VAT1L: variants seen among roughly 807,000 people sequenced by gnomAD.
The protein encoded by VAT1L is putative NADPH-dependent quinone oxidoreductase VAT1L.
Under a neutral mutation model 44.1 loss-of-function variants are expected in VAT1L, and 34 were observed. The observed-to-expected ratio is 0.77, with a 90% CI of 0.59 to 1.03. VAT1L has a LOEUF of 1.03. Ranked by LOEUF, VAT1L falls within the 50% of genes least tolerant of loss-of-function variation. The probability of loss-of-function intolerance (pLI) is 0.00; values close to 1 mark genes in which losing one functional copy is unlikely to be tolerated. For synonymous variants in VAT1L, 253 were observed against 202.2 expected, an observed-to-expected ratio of 1.25 and a Z score of -2.13; for missense variants, 615 against 538.8, an observed-to-expected ratio of 1.14 and a Z score of -1.40.
chr16:77,940,656 T>C (rs978080365), intron 7 of VAT1L, among the ~76,000 whole-genome samples: 7 of 152,286 alleles, frequency 4.6e-5, no homozygotes, highest in Admixed American at 1.3e-4. Flanking sequence ...CACCACTGTC[T>C]TTAGCTCAAA....
rs78092024 is a variant in VAT1L, at chr16:77,840,299, C to G, written c.579+14838C>G. ...AGGGAGGCAGGTAGTCAGGGAAGTT[C>G]TCATAAAAGGGCACACGTGAATGGT... On this transcript the variant is annotated intron_variant, in intron 3 of 8. Transcript: ENST00000302536. Among the ~76,000 whole-genome samples the G allele has an allele frequency of 3.2e-4, 49 of 152,270 alleles. No individual in the cohort carries two copies. The East Asian group carries it at 9.3e-3, about 29-fold the overall frequency.
At chr16:77,959,265 GTCAC>G (rs1228010842) in intron 7 of VAT1L, among the ~76,000 whole-genome samples, 1 of 152,158 alleles carries the variant, frequency 6.6e-6, no homozygotes, top group Non-Finnish European at 1.5e-5. Flanking sequence ...TACTTTTCCA[GTCAC>G]TCTTCCATCT....
rs373773812 is a variant in VAT1L at position 77,933,065 on chromosome 16, G to C, written c.1078-38785G>C. Among the ~76,000 whole-genome samples the C allele has an allele frequency of 9.2e-5, 14 of 152,280 alleles. 1 individual carries two copies. In the East Asian group the frequency reaches 9.6e-4, roughly 10 times the overall value. On this transcript the variant is annotated intron_variant, in intron 7 of 8. Coordinates refer to ENST00000302536, the MANE Select transcript of VAT1L (RefSeq NM_020927.3). ...TCTTCCTGAGTGTTTAGGAAAAAGA[G>C]AACCAGATATGGAAAAGTACAAATC...
Position 77,880,329 on chromosome 16 carries a change from G to A in VAT1L, c.882+1105G>A, listed in dbSNP as rs555056725. On this transcript the variant is annotated intron_variant, in intron 6 of 8. Coordinates refer to ENST00000302536, the MANE Select transcript of VAT1L (RefSeq NM_020927.3). ...GTGCCACTATACCCAGCGAATTTAT[G>A]TATTTATTTTGGTAGAGACAAGGTT... Among the ~76,000 whole-genome samples, 50 of 152,082 alleles carry A rather than the reference G, an allele frequency of 3.3e-4. No homozygotes were observed. The South Asian group carries it at 3.3e-3, about 10-fold the overall frequency.
In VAT1L at chr16:77,795,286, G is replaced by T. The variant is rs926222754; in HGVS notation, c.233+6371G>T. On this transcript the variant is annotated intron_variant, in intron 1 of 8. Coordinates refer to ENST00000302536, the MANE Select transcript of VAT1L (RefSeq NM_020927.3). Reference sequence around the variant, plus strand: ...TTGGTAGAATTTACAGTGGGGGCGGGGGGAAAGATTGAGAAATTAAGATTT... The same window carrying T: ...TTGGTAGAATTTACAGTGGGGGCGGTGGGAAAGATTGAGAAATTAAGATTT... Among the ~76,000 whole-genome samples, 202 of 147,594 alleles carry T rather than the reference G, an allele frequency of 1.4e-3. 2 individuals are homozygous for T. Among genetic ancestry groups the T allele is most frequent in the Middle Eastern group, 6.9e-3 (2 of 290 alleles).
chr16:77,884,557 G>T lies in VAT1L; in HGVS notation c.883-51G>T, dbSNP rs1226115854. 1 of 1,568,506 alleles carries T rather than the reference G, an allele frequency of 6.4e-7. No individual in the cohort carries two copies. The highest frequency in any genetic ancestry group is 1.8e-5 in the Admixed American group (1 of 55,618). On this transcript the variant is annotated intron_variant, in intron 6 of 8. Transcript: ENST00000302536. This position sits in a 1 kb window ranked among gnomAD's most constrained non-coding sequence, Gnocchi z 4.5. ...GACATCAGCAATGCTGCCAATGTAG[G>T]CTTAACCCCGGTATTGAGTTCCTAT...
intron 7 of VAT1L, among the ~76,000 whole-genome samples, chr16:77,934,701 C>T (rs1304223430): frequency 6.6e-6 from 1 of 152,094 alleles, no homozygotes; most frequent in African/African-American, 2.4e-5. Context: ...GGGTGATCAC[C>T]ACAGCAAACT....
chr16:77,906,400 CTG>C (rs912731030), intron 7 of VAT1L, among the ~76,000 whole-genome samples: 49 of 152,330 alleles, frequency 3.2e-4, no homozygotes, highest in African/African-American at 1.2e-3. Context: ...CCATTTTACA[CTG>C]TGACTTGCAC....
chr16:77,829,672 G>A (rs2016558556), intron 3 of VAT1L, among the ~76,000 whole-genome samples: 2 of 152,268 alleles, frequency 1.3e-5, no homozygotes, highest in African/African-American at 2.4e-5. Context: ...AACAAAATAG[G>A]TAACAGAATG....
rs1380483397 is a variant in VAT1L, at chr16:77,978,141, A to C, written c.*446A>C. 1 of 157,680 alleles carries C rather than the reference A, an allele frequency of 6.3e-6. No homozygotes were observed. Among genetic ancestry groups the C allele is most frequent in the Non-Finnish European group, 1.4e-5 (1 of 70,986 alleles). The allele number at this position is 157,680 out of a possible 1,614,324, so 9.8% of individuals were successfully genotyped here. A position where few individuals can be genotyped will look rare whatever the true frequency, so the allele number is the denominator to read the frequency against. On this transcript the variant is annotated 3_prime_UTR_variant, in exon 9 of 9. Transcript: ENST00000302536. ...GGCCACCCATGCCTCTGATGAGAAC[A>C]CTTGCCAATTTGGCCAGCAGAAAGA...
At chr16:77,945,527 C>G (rs746482129) in intron 7 of VAT1L, among the ~76,000 whole-genome samples, 2 of 151,844 alleles carry the variant, frequency 1.3e-5, no homozygotes, top group Non-Finnish European at 2.9e-5. Context: ...TGGCCTCAAG[C>G]GATTGTCCTG....
intron 8 of VAT1L, among the ~76,000 whole-genome samples, chr16:77,975,856 G>T (rs1325536732): frequency 6.6e-6 from 1 of 152,230 alleles, no homozygotes; most frequent in Non-Finnish European, 1.5e-5. Context: ...CAGTGCCCCA[G>T]AGAATAGAGG....
intron 7 of VAT1L, among the ~76,000 whole-genome samples, chr16:77,956,566 T>G (rs2018105792): frequency 6.6e-6 from 1 of 152,174 alleles, no homozygotes; most frequent in Non-Finnish European, 1.5e-5. Flanking sequence ...TTTACCCAAT[T>G]TGGGGTTCAT....
chr16:77,924,137 C>G (rs1390603935), intron 7 of VAT1L, among the ~76,000 whole-genome samples: 1 of 152,146 alleles, frequency 6.6e-6, no homozygotes, highest in African/African-American at 2.4e-5. Flanking sequence ...CCCCCTTTCT[C>G]CCGGAGAAGC....
At chr16:77,809,990 T>A (rs1339230575) in intron 1 of VAT1L, among the ~76,000 whole-genome samples, 1 of 152,056 alleles carries the variant, frequency 6.6e-6, no homozygotes, top group East Asian at 1.9e-4. Flanking sequence ...GGAGGGAGAA[T>A]TAATTTTTTT....
intron 7 of VAT1L, among the ~76,000 whole-genome samples, chr16:77,933,936 A>G (rs2017762423): frequency 6.6e-6 from 1 of 152,188 alleles, no homozygotes; most frequent in Admixed American, 6.5e-5. Context: ...CCATGATGGG[A>G]AGAAACCCAC....
At chr16:77,919,584 G>A (rs745417324) in intron 7 of VAT1L, among the ~76,000 whole-genome samples, 6 of 152,090 alleles carry the variant, frequency 3.9e-5, no homozygotes, top group Non-Finnish European at 8.8e-5. Flanking sequence ...TTTTTCAATT[G>A]GTGGCTCTCA....
At chr16:77,946,521 A>T (rs1208968660) in intron 7 of VAT1L, among the ~76,000 whole-genome samples, 6 of 151,862 alleles carry the variant, frequency 4.0e-5, no homozygotes. Context: ...TGACTTCGTG[A>T]TCTGCCCGCC....
intron 3 of VAT1L, among the ~76,000 whole-genome samples, chr16:77,831,876 C>T (rs1397503626): frequency 6.6e-6 from 1 of 151,762 alleles, no homozygotes; most frequent in East Asian, 1.9e-4. Flanking sequence ...AGTGCAGTGG[C>T]TTGATCTCGG....
Sources: allele counts gnomAD v4.1 joint callset (sites outside exome capture counted in the v4.1 genomes callset), GRCh38; gene constraint gnomAD v4.1.1; non-coding constraint Gnocchi (gnomAD v3.1); transcripts MANE v1.5; gene names NCBI Gene and HGNC (gene_info 2026-07-23, HGNC 2026-07-21).